The following ALS2 variants were observed in gnomAD, a reference collection of about 807,000 sequenced individuals.
The protein encoded by ALS2 is alsin Rho guanine nucleotide exchange factor ALS2.
A neutral mutation model predicts 203.4 loss-of-function variants in ALS2; 117 were observed. The ratio of observed to expected loss-of-function variants is 0.58; its 90% confidence interval spans 0.50 to 0.67. The LOEUF (loss-of-function observed/expected upper bound fraction) is 0.67. Among genes scored for constraint, ALS2 ranks in the 30% least tolerant of loss-of-function variants. ALS2 has a pLI of 0.00. For missense variants in ALS2, 1,715 were observed against 1,989.4 expected (o/e 0.86, Z 2.62); for synonymous variants, 718 against 725.9 (o/e 0.99, Z 0.17).
chr2:201,765,972 C>T (rs1229910502), intron 3 of ALS2: 1 of 162,408 alleles, frequency 6.2e-6, no homozygotes, highest in Non-Finnish European at 1.5e-5. Flanking sequence ...TTTCAGTTTC[C>T]TTGTCTGTGA....
rs1300508705 is a variant in ALS2 at position 201,746,640 on chromosome 2, CCTGTCGGCCA to C, written c.1914_1923del (p.Ser638ArgfsTer30). On this transcript the variant is annotated frameshift_variant, in exon 9 of 34. Transcript: ENST00000264276. LOFTEE classifies it high-confidence loss of function. ...GGAAGGTTGTCACCTTCTGTAGGGT[CCTGTCGGCCA>C]CTGTAATATAACCCAGGCTGGAAGT... 1 of 1,614,024 alleles carries C rather than the reference CCTGTCGGCCA, an allele frequency of 6.2e-7. No homozygotes were observed. The highest frequency in any genetic ancestry group is 1.3e-5 in the African/African-American group (1 of 74,922).
At chr2:201,733,165 C>T in intron 13 of ALS2, 111 bp downstream of exon 13, 3 of 1,141,682 alleles carry the variant, frequency 2.6e-6, no homozygotes, top group South Asian at 1.4e-5. Context: ...TAATTAGACA[C>T]AGGTAAATAT....
At position 201,726,853 on chromosome 2, in the gene ALS2, C is replaced by T. The variant is rs753389280; in HGVS notation, c.2993G>A (p.Arg998Gln). The change falls in exon 18 of 34, where the codon CGA becomes CAA. Residue 998 changes from arginine to glutamine, a missense_variant. Around this residue, in one of 3 missense-constraint regions of ALS2, gnomAD observed 1,227 missense variants for 1,413.5 expected, o/e 0.87. Transcript: ENST00000264276. The part of the protein sequence containing the change: ...STPQEKTKWL[R>Q]AISQAVDQAL... ...CTGATCTACGGCTTGGCTTATAGCT[C>T]GTAGCCACTTTGTCTAGGAGCAAAA... 37 of 1,613,604 alleles carry T rather than the reference C, an allele frequency of 2.3e-5. No individual in the cohort carries two copies. The African/African-American group carries it at 4.3e-4, about 19-fold the overall frequency.
chr2:201,765,714 T>C (rs1349681043), intron 3 of ALS2: 1 of 167,114 alleles, frequency 6.0e-6, no homozygotes, highest in Non-Finnish European at 1.5e-5. Context: ...AAATTTGTCA[T>C]GATTGAGTTG....
chr2:201,764,810 C>T (rs754388105), intron 3 of ALS2, among the ~76,000 whole-genome samples: 1 of 152,068 alleles, frequency 6.6e-6, no homozygotes, highest in Non-Finnish European at 1.5e-5. Context: ...ACTGGAGGTC[C>T]GTATGCAATT....
Position 201,754,547 on chromosome 2 carries a change from C to A in ALS2, c.1596G>T (p.Gly532=), listed in dbSNP as rs768173305. The stretch of plus-strand genomic sequence containing the variant: ...GCCCCAGCTGCCCTTCCTTCCCTTT[C>A]CCCCAGGTCCACACTTCTGTTCTCA... The part of the protein sequence containing the change: ...PSLRTEVWTW[G]KGKEGQLGHG... The change falls in exon 6 of 34, where the codon GGG becomes GGT. Residue 532 remains glycine (G), a synonymous_variant. Coordinates refer to ENST00000264276, the MANE Select transcript of ALS2 (RefSeq NM_020919.4). 1.2e-6 allele frequency: 2 copies of A among 1,614,116 alleles called. No individual in the cohort carries two copies. The highest frequency in any genetic ancestry group is 4.5e-5 in the East Asian group (2 of 44,880).
chr2:201,750,412 G>C (rs759926953), intron 7 of ALS2, among the ~76,000 whole-genome samples: 1 of 152,114 alleles, frequency 6.6e-6, no homozygotes, highest in Non-Finnish European at 1.5e-5. Context: ...TTAATCCCAG[G>C]AATTATCGTA....
intron 29 of ALS2, among the ~76,000 whole-genome samples, chr2:201,706,554 T>TATATATAA (rs1491091061): frequency 9.6e-5 from 13 of 135,952 alleles, no homozygotes; most frequent in East Asian, 4.2e-4. Context: ...TATATATATA[T>TATATATAA]AACTATACAT....
chr2:201,704,027 C>G, intron 33 of ALS2, 95 bp downstream of exon 33: 1 of 1,105,194 alleles, frequency 9.0e-7, no homozygotes, highest in East Asian at 2.6e-5. Context: ...TTGCATTAAA[C>G]TTTTATACAA....
Position 201,707,885 on chromosome 2 carries a change from C to G in ALS2, c.4387G>C (p.Glu1463Gln), listed in dbSNP as rs1238573309. The change falls in exon 28 of 34, where the codon GAA (glutamate) becomes CAA (glutamine). Residue 1463 changes from glutamate (E) to glutamine (Q), a missense_variant. Physicochemically the swap from Glu to Gln is conservative, Grantham distance 29 (BLOSUM62 2). Around this residue, in one of 3 missense-constraint regions of ALS2, gnomAD observed 1,227 missense variants for 1,413.5 expected, o/e 0.87. Transcript: ENST00000264276. ...TCCATTTACCCTGGCTCTGGTGATT[C>G]AGATCGGGAATCTGACTTCCCAGTG... ...FCTGKSDSRS[E>Q]SPEPGYVVTS... 1 of 1,613,468 alleles carries G rather than the reference C, an allele frequency of 6.2e-7. No homozygotes were observed. The highest frequency in any genetic ancestry group is 8.5e-7 in the Non-Finnish European group (1 of 1,179,582).
intron 5 of ALS2, among the ~76,000 whole-genome samples, chr2:201,755,695 G>C (rs1177058625): frequency 1.3e-5 from 2 of 152,132 alleles, no homozygotes; most frequent in Non-Finnish European, 2.9e-5. Context: ...GATTATGAAA[G>C]GGATATACTA....
chr2:201,719,872 A>T (rs1470687094), intron 23 of ALS2: 1 of 191,396 alleles, frequency 5.2e-6, no homozygotes, highest in Non-Finnish European at 1.1e-5. Flanking sequence ...ATAGAGAAAT[A>T]GAAAAACTCC....
At chr2:201,727,425 G>T in intron 16 of ALS2, 147 bp from the exon 17 acceptor site, 1 of 799,546 alleles carries the variant, frequency 1.3e-6, no homozygotes, top group Non-Finnish European at 2.1e-6. Flanking sequence ...GCGCCACCAC[G>T]GTGGAAAGAA....
In ALS2 at chr2:201,715,731, C is replaced by G; in HGVS notation, c.3945G>C (p.Trp1315Cys). The change falls in exon 25 of 34, where the codon TGG (tryptophan) becomes TGC (cysteine). Residue 1315 changes from tryptophan (W) to cysteine (C), a missense_variant. This residue lies in a region of ALS2 where 1,227 missense variants were observed against 1,413.5 expected (regional missense o/e 0.87). Coordinates refer to ENST00000264276, the MANE Select transcript of ALS2 (RefSeq NM_020919.4). ...GCEGPGQGEV[W>C]KAWDNIAVAL... The stretch of plus-strand genomic sequence containing the variant: ...CCACAGCAATATTGTCCCATGCTTT[C>G]CAAACTTCCCCTTGGCCTGGGCCCT... The G allele has an allele frequency of 6.2e-7, 1 of 1,614,216 alleles. No homozygotes were observed. Among genetic ancestry groups the G allele is most frequent in the Non-Finnish European group, 8.5e-7 (1 of 1,180,038 alleles).
intron 10 of ALS2, among the ~76,000 whole-genome samples, chr2:201,742,173 T>G (rs1207429007): frequency 6.6e-6 from 1 of 152,224 alleles, no homozygotes; most frequent in Admixed American, 6.5e-5. Flanking sequence ...TCTGGTCATT[T>G]TGAAGATAAG....
chr2:201,729,138 C>T lies in ALS2; in HGVS notation c.2626G>A (p.Glu876Lys). Residue 876 changes from glutamate (E) to lysine (K), a missense_variant, in exon 14 of 34, where the codon GAG becomes AAG. By Grantham distance (56) the Glu-to-Lys change is moderately conservative. Around this residue, in one of 3 missense-constraint regions of ALS2, gnomAD observed 1,227 missense variants for 1,413.5 expected, o/e 0.87. Transcript: ENST00000264276. ...CTGCCGAGATGGAGAGCAAGACACT[C>T]ATAACAAGAACTGGAATCCTGCAGT... ...QKLQDSSSCY[E>K]CLALHLGRKR... The T allele has an allele frequency of 6.2e-7, 1 of 1,613,008 alleles. No individual in the cohort carries two copies. Among genetic ancestry groups the T allele is most frequent in the Middle Eastern group, 1.6e-4 (1 of 6,062 alleles).
At chr2:201,756,075 G>A (rs1224836549) in intron 5 of ALS2, among the ~76,000 whole-genome samples, 6 of 152,142 alleles carry the variant, frequency 3.9e-5, no homozygotes, top group South Asian at 2.1e-4. Context: ...AAAATTTTTC[G>A]AAAGATACTT....
Position 201,757,393 on chromosome 2 carries a change from T to C in ALS2, c.1471+9A>G, listed in dbSNP as rs749678404. On this transcript the variant is annotated intron_variant, in intron 5 of 33. Coordinates refer to ENST00000264276, the MANE Select transcript of ALS2 (RefSeq NM_020919.4). Reference sequence around the variant, plus strand: ...AAAGTCAATTCACAAAACCTAGTTATTTCCTTACCTTGTGACAACAATCCA... The same window carrying C: ...AAAGTCAATTCACAAAACCTAGTTACTTCCTTACCTTGTGACAACAATCCA... 1 of 1,610,150 alleles carries C rather than the reference T, an allele frequency of 6.2e-7. No homozygotes were observed. The highest frequency in any genetic ancestry group is 8.5e-7 in the Non-Finnish European group (1 of 1,176,418).
At chr2:201,765,577 T>C (rs1694033057) in intron 3 of ALS2, 1 of 167,056 alleles carries the variant, frequency 6.0e-6, no homozygotes, top group Admixed American at 6.5e-5. Flanking sequence ...TAATCCTTGT[T>C]TCCTAGAATT....
Sources: allele counts gnomAD v4.1 joint callset (sites outside exome capture counted in the v4.1 genomes callset), GRCh38; gene constraint gnomAD v4.1.1; regional missense constraint gnomAD v4.1.1; transcripts MANE v1.5; gene names NCBI Gene and HGNC (gene_info 2026-07-23, HGNC 2026-07-21).